TBC1D4: variants seen among roughly 807,000 people sequenced by gnomAD.
TBC1D4 encodes TBC (Tre-2, BUB2, CDC16) domain-containing protein.
Under a neutral mutation model 142.5 loss-of-function variants are expected in TBC1D4, and 121 were observed. The observed-to-expected ratio is 0.85, with a 90% CI of 0.73 to 0.99. The LOEUF is 0.99. TBC1D4 is among the 50% of genes least tolerant of loss of function. TBC1D4 has a pLI of 0.00. For missense variants in TBC1D4, 1,475 were observed against 1,606.6 expected, an observed-to-expected ratio of 0.92 and a Z score of 1.40; for synonymous variants, 630 against 628.2, an observed-to-expected ratio of 1.00 and a Z score of -0.04.
intron 1 of TBC1D4, among the ~76,000 whole-genome samples, chr13:75,442,736 G>A (rs1317206397): frequency 2.7e-5 from 4 of 150,842 alleles, no homozygotes; most frequent in East Asian, 2.0e-4. Flanking sequence ...CCGAGATCGC[G>A]CCACTGCACT....
At chr13:75,335,200 C>A (rs916397458) in intron 8 of TBC1D4, among the ~76,000 whole-genome samples, 4 of 152,136 alleles carry the variant, frequency 2.6e-5, no homozygotes, top group Non-Finnish European at 5.9e-5. Context: ...CCCTTCTCTG[C>A]AGATTCCCTC....
intron 1 of TBC1D4, among the ~76,000 whole-genome samples, chr13:75,478,340 TC>T (rs1888702338): frequency 6.6e-6 from 1 of 152,124 alleles, no homozygotes; most frequent in Non-Finnish European, 1.5e-5. Flanking sequence ...AATAAAATTG[TC>T]CCATATCAAA....
intron 15 of TBC1D4, among the ~76,000 whole-genome samples, 163 bp downstream of exon 15, chr13:75,306,150 T>C (rs1877158329): frequency 6.6e-6 from 1 of 152,008 alleles, no homozygotes; most frequent in Non-Finnish European, 1.5e-5. Flanking sequence ...TCAGAGACAG[T>C]CACTAAACTA....
chr13:75,312,450 A>AAG (rs796382692), intron 13 of TBC1D4, among the ~76,000 whole-genome samples: 2 of 151,140 alleles, frequency 1.3e-5, no homozygotes, highest in African/African-American at 2.5e-5. Flanking sequence ...GAAAGAAAGA[A>AAG]AAAGGACATA....
chr13:75,292,265 A>C lies in TBC1D4; in HGVS notation c.3323T>G (p.Ile1108Ser). Residue 1108 changes from isoleucine to serine, a missense_variant, in exon 19 of 21, where the codon ATT becomes AGT. Ile to Ser is a moderately radical substitution (Grantham distance 142, BLOSUM62 -2). Coordinates refer to ENST00000377636, the MANE Select transcript of TBC1D4 (RefSeq NM_014832.5). ...LGFVARVFDIIFLQGTEVIFK... is the reference protein window; with the variant it reads ...LGFVARVFDISFLQGTEVIFK... ...TATAACTTCAGTTCCCTGAAGAAAAATAATATCTAAAAGAAGAGATATAAT... is the reference window on the plus strand; with the variant it reads ...TATAACTTCAGTTCCCTGAAGAAAACTAATATCTAAAAGAAGAGATATAAT... 6.2e-7 allele frequency: 1 copy of C among 1,611,160 alleles called. No individual in the cohort carries two copies. Among genetic ancestry groups the C allele is most frequent in the Non-Finnish European group, 8.5e-7 (1 of 1,178,726 alleles).
At chr13:75,446,402 C>T (rs973680619) in intron 1 of TBC1D4, among the ~76,000 whole-genome samples, 2 of 152,138 alleles carry the variant, frequency 1.3e-5, no homozygotes, top group African/African-American at 4.8e-5. Context: ...TTGTGCTGTG[C>T]TTCTTTCTAA....
rs73535660 is a variant in TBC1D4, at chr13:75,399,117, G to A, written c.499-36510C>T. Among the ~76,000 whole-genome samples the A allele has an allele frequency of 3.4e-3, 511 of 152,176 alleles. 2 individuals carry two copies. The highest frequency in any genetic ancestry group is 0.011 in the African/African-American group (455 of 41,522). ...AGCACTTTGGGAGGCCGAGGCAGGC[G>A]GATCACGAGGTCAGGAGATCAAGAA... On this transcript the variant is annotated intron_variant, in intron 1 of 20. Transcript: ENST00000377636.
chr13:75,480,877 GCACACACA>G (rs35548574), intron 1 of TBC1D4, among the ~76,000 whole-genome samples: 8 of 124,064 alleles, frequency 6.4e-5, no homozygotes, highest in Admixed American at 2.7e-4. Flanking sequence ...GCACACGCAC[GCACACACA>G]CACACACACA....
chr13:75,369,322 C>A (rs918398081), intron 1 of TBC1D4, among the ~76,000 whole-genome samples: 1 of 152,000 alleles, frequency 6.6e-6, no homozygotes, highest in African/African-American at 2.4e-5. Flanking sequence ...AGGGAGACTC[C>A]GTCTCTACAA....
intron 1 of TBC1D4, among the ~76,000 whole-genome samples, chr13:75,432,601 C>T (rs1886637460): frequency 6.6e-6 from 1 of 152,008 alleles, no homozygotes; most frequent in African/African-American, 2.4e-5. Flanking sequence ...TGAAATGGCA[C>T]ACAGAAAGCA....
chr13:75,421,360 C>T (rs1361979054), intron 1 of TBC1D4, among the ~76,000 whole-genome samples: 2 of 152,168 alleles, frequency 1.3e-5, no homozygotes, highest in Non-Finnish European at 2.9e-5. Context: ...TGCATGGGGA[C>T]TTTGTGAACT....
chr13:75,400,213 T>C (rs1466706601), intron 1 of TBC1D4, among the ~76,000 whole-genome samples: 1 of 152,204 alleles, frequency 6.6e-6, no homozygotes, highest in Non-Finnish European at 1.5e-5. Flanking sequence ...TTTCACCCCA[T>C]CCTACCACCA....
In TBC1D4 at chr13:75,427,844, T is replaced by C. The variant is rs577620081; in HGVS notation, c.498+53426A>G. On this transcript the variant is annotated intron_variant, in intron 1 of 20. Transcript: ENST00000377636. ...CACACTTCCATATTCTTGTTTTATGTTGCTTATAAGAACAAAGAGAAAATG... is the reference window on the plus strand; with the variant it reads ...CACACTTCCATATTCTTGTTTTATGCTGCTTATAAGAACAAAGAGAAAATG... Among the ~76,000 whole-genome samples the C allele has an allele frequency of 3.3e-5, 5 of 152,380 alleles. No homozygotes were observed. In the South Asian group the frequency reaches 1.0e-3, roughly 32 times the overall value.
At chr13:75,386,128 A>C (rs1321544952) in intron 1 of TBC1D4, among the ~76,000 whole-genome samples, 1 of 152,206 alleles carries the variant, frequency 6.6e-6, no homozygotes, top group Non-Finnish European at 1.5e-5. Context: ...TGCATTAATG[A>C]ATATCAATAT....
At chr13:75,386,062 G>T (rs1275727441) in intron 1 of TBC1D4, among the ~76,000 whole-genome samples, 2 of 152,094 alleles carry the variant, frequency 1.3e-5, no homozygotes, top group African/African-American at 2.4e-5. Flanking sequence ...ACCCTACAAG[G>T]CTTACCCATA....
In TBC1D4 at chr13:75,354,124, C is replaced by T. The variant is rs776284219; in HGVS notation, c.1275+2023G>A. 4.6e-5 allele frequency among the ~76,000 whole-genome samples: 7 copies of T among 152,176 alleles called. No homozygotes were observed. The South Asian group carries it at 8.3e-4, about 18-fold the overall frequency. On this transcript the variant is annotated intron_variant, in intron 4 of 20. Transcript: ENST00000377636. ...CTGACCCAGAGAAGAGCTTGTAAGA[C>T]GAACGACATATGTGAAGAAGGTCAT...
intron 1 of TBC1D4, among the ~76,000 whole-genome samples, chr13:75,391,379 A>C (rs1162305709): frequency 2.0e-5 from 3 of 152,064 alleles, no homozygotes; most frequent in Non-Finnish European, 4.4e-5. Flanking sequence ...TCTTGAACCC[A>C]TATAACATCA....
At chr13:75,449,361 T>C (rs1264449197) in intron 1 of TBC1D4, among the ~76,000 whole-genome samples, 2 of 152,054 alleles carry the variant, frequency 1.3e-5, no homozygotes, top group Non-Finnish European at 2.9e-5. Context: ...TTAATTTATG[T>C]TAGGCACAGT....
At chr13:75,459,951 G>A (rs902908335) in intron 1 of TBC1D4, among the ~76,000 whole-genome samples, 1 of 152,052 alleles carries the variant, frequency 6.6e-6, no homozygotes, top group Non-Finnish European at 1.5e-5. Flanking sequence ...GACCATCCTG[G>A]GTAACATGGT....
Sources: allele counts gnomAD v4.1 joint callset (sites outside exome capture counted in the v4.1 genomes callset), GRCh38; gene constraint gnomAD v4.1.1; transcripts MANE v1.5; gene names NCBI Gene and HGNC (gene_info 2026-07-23, HGNC 2026-07-21).